PLD1: variants seen among roughly 807,000 people sequenced by gnomAD.
The protein encoded by PLD1 is phospholipase D1.
A neutral mutation model predicts 137.1 loss-of-function variants in PLD1; 112 were observed. That is an observed-to-expected ratio of 0.82 (90% CI 0.70 to 0.96). The LOEUF is 0.96. Ranked by LOEUF, PLD1 falls within the 40% of genes least tolerant of loss-of-function variation. The probability of loss-of-function intolerance (pLI) is 0.00; values close to 1 mark genes in which losing one functional copy is unlikely to be tolerated. For missense variants in PLD1, 1,321 were observed against 1,342.0 expected, an observed-to-expected ratio of 0.98 and a Z score of 0.24; for synonymous variants, 431 against 454.7, an observed-to-expected ratio of 0.95 and a Z score of 0.66.
intron 1 of PLD1, among the ~76,000 whole-genome samples, chr3:171,776,776 C>T (rs1722604715): frequency 6.6e-6 from 1 of 152,170 alleles, no homozygotes. Flanking sequence ...TTAATTACTA[C>T]AAATTGCTCT....
chr3:171,638,931 C>T (rs923237821), intron 23 of PLD1, among the ~76,000 whole-genome samples: 6 of 152,136 alleles, frequency 3.9e-5, no homozygotes, highest in Non-Finnish European at 5.9e-5. Context: ...GAATTCATGC[C>T]TTTTGATTCT....
intron 21 of PLD1, among the ~76,000 whole-genome samples, chr3:171,649,174 C>G (rs967220392): frequency 1.3e-5 from 2 of 151,760 alleles, no homozygotes; most frequent in South Asian, 4.2e-4. Context: ...GAGAAATGTC[C>G]TATAAAAATA....
intron 21 of PLD1, among the ~76,000 whole-genome samples, chr3:171,648,142 A>G (rs545262671): frequency 1.6e-3 from 249 of 152,166 alleles, no homozygotes; most frequent in South Asian, 3.7e-3. Flanking sequence ...CCTTTTGGCT[A>G]TTGTGAATAA....
chr3:171,675,862 A>C (rs1299885318), intron 18 of PLD1, among the ~76,000 whole-genome samples: 1 of 126,774 alleles, frequency 7.9e-6, no homozygotes, highest in African/African-American at 3.1e-5. Flanking sequence ...TTTTTTTTTG[A>C]GACAGAGTCT....
At chr3:171,764,825 GAGAAAGAAAGAAAGAAAGAAAGAAAGAA>G (rs1226169438) in intron 1 of PLD1, among the ~76,000 whole-genome samples, 26 of 22,776 alleles carry the variant, frequency 1.1e-3, no homozygotes, top group East Asian at 4.5e-3. Context: ...AAGAAAGAAA[GAGAAAGAAAGAAAGAAAGAAAGAAAGAA>G]AGAAAGAAAG....
At chr3:171,747,561 G>A (rs543426296) in intron 1 of PLD1, among the ~76,000 whole-genome samples, 80 of 151,740 alleles carry the variant, frequency 5.3e-4, no homozygotes, top group African/African-American at 1.8e-3. Flanking sequence ...ACTTGAGCTA[G>A]GATAGTGTTA....
rs140887517 is a variant in PLD1 at position 171,699,240 on chromosome 3, A to C, written c.1227+505T>G. On this transcript the variant is annotated intron_variant, in intron 12 of 26. Coordinates refer to ENST00000351298, the MANE Select transcript of PLD1 (RefSeq NM_002662.5). ...GAATGTACAGGGTCAACTCCACAGGAAACAGTTTCACATTTTTACCAGGAA... is the reference window on the plus strand; with the variant it reads ...GAATGTACAGGGTCAACTCCACAGGCAACAGTTTCACATTTTTACCAGGAA... Among the ~76,000 whole-genome samples the C allele has an allele frequency of 7.4e-4, 112 of 152,316 alleles. 2 individuals carry two copies. In the East Asian group the frequency reaches 0.017, roughly 23 times the overall value.
At chr3:171,636,894 A>G (rs1257280914) in intron 23 of PLD1, among the ~76,000 whole-genome samples, 1 of 152,192 alleles carries the variant, frequency 6.6e-6, no homozygotes, top group African/African-American at 2.4e-5. Flanking sequence ...CTTATATGTG[A>G]CATCTACACA....
chr3:171,668,100 C>A (rs1038697808), intron 19 of PLD1, among the ~76,000 whole-genome samples: 1 of 152,218 alleles, frequency 6.6e-6, no homozygotes, highest in Non-Finnish European at 1.5e-5. Flanking sequence ...GTTTCCTCAT[C>A]TGTAGAAACA....
intron 19 of PLD1, among the ~76,000 whole-genome samples, chr3:171,663,381 C>T (rs986877248): frequency 1.3e-5 from 2 of 152,152 alleles, no homozygotes; most frequent in African/African-American, 2.4e-5. Flanking sequence ...GGCTGTTGAT[C>T]GTGTTTCTTA....
intron 1 of PLD1, among the ~76,000 whole-genome samples, chr3:171,806,961 G>C (rs1723871592): frequency 6.6e-6 from 1 of 152,198 alleles, no homozygotes; most frequent in Admixed American, 6.5e-5. Flanking sequence ...TCCTGCTGTA[G>C]ATAAGATTTG....
chr3:171,731,034 T>G (rs1718902986), intron 6 of PLD1, among the ~76,000 whole-genome samples: 1 of 152,324 alleles, frequency 6.6e-6, no homozygotes, highest in Middle Eastern at 3.4e-3. Flanking sequence ...ATGATAAGAA[T>G]CACTTGAGCT....
rs1480528855 is a variant in PLD1, at chr3:171,735,629, A to G, written c.297T>C (p.Ser99=). Residue 99 remains serine (S), a synonymous_variant, in exon 4 of 27, where the codon AGT becomes AGC. Transcript: ENST00000351298. ...TTAATTCAATAGTGTAAAGATTAAT[A>G]CTTGGTACCTACAGTGATACATAAA... ...ERFTSTTRVP[S]INLYTIELTH... The G allele has an allele frequency of 1.8e-5, 27 of 1,510,580 alleles. No individual in the cohort carries two copies. The highest frequency in any genetic ancestry group is 2.5e-5 in the Non-Finnish European group (27 of 1,085,880). The allele number at this position is 1,510,580 out of a possible 1,614,324, so 93.6% of individuals were successfully genotyped here.
At chr3:171,691,445 T>A (rs374322508) in intron 13 of PLD1, among the ~76,000 whole-genome samples, 2 of 152,208 alleles carry the variant, frequency 1.3e-5, no homozygotes, top group East Asian at 1.9e-4. Flanking sequence ...ATGTTTAAAT[T>A]CCTTTCTCAT....
At chr3:171,628,457 TC>T (rs1734339065) in intron 23 of PLD1, among the ~76,000 whole-genome samples, 1 of 152,074 alleles carries the variant, frequency 6.6e-6, no homozygotes, top group South Asian at 2.1e-4. Flanking sequence ...TACCATTCCT[TC>T]TGAAACTATT....
Position 171,602,895 on chromosome 3 carries a change from G to C in PLD1, c.*183C>G. ...CAAGTTAGGCAGAAGGAATTATAAA[G>C]TCTTGCTGATGTTTACAGTCCTTAC... is the stretch of plus-strand genomic sequence containing the variant. On this transcript the variant is annotated 3_prime_UTR_variant, in exon 27 of 27. Transcript: ENST00000351298. 1.7e-6 allele frequency: 1 copy of C among 595,362 alleles called. No individual in the cohort carries two copies. The highest frequency in any genetic ancestry group is 3.0e-6 in the Non-Finnish European group (1 of 334,954). 36.9% of individuals were successfully genotyped at this position (595,362 alleles called of 1,614,324 possible).
At chr3:171,668,299 TA>T (rs1305500284) in intron 19 of PLD1, among the ~76,000 whole-genome samples, 1 of 152,212 alleles carries the variant, frequency 6.6e-6, no homozygotes, top group African/African-American at 2.4e-5. Context: ...ACTCCCATGG[TA>T]AATAACTTCC....
At chr3:171,714,554 C>T (rs189351403) in intron 8 of PLD1, among the ~76,000 whole-genome samples, 157 of 152,298 alleles carry the variant, frequency 1.0e-3, no homozygotes, top group Non-Finnish European at 1.8e-3. Flanking sequence ...GGCACTTCCA[C>T]ATTATGGAAT....
At chr3:171,723,613 T>A (rs4488867) in intron 8 of PLD1, among the ~76,000 whole-genome samples, 54,839 of 152,000 alleles carry the variant, frequency 0.36, 11,001 homozygotes, top group African/African-American at 0.52. Context: ...TTCCCTTTTC[T>A]CCACATCCTC....
Sources: allele counts gnomAD v4.1 joint callset (sites outside exome capture counted in the v4.1 genomes callset), GRCh38; gene constraint gnomAD v4.1.1; transcripts MANE v1.5; gene names NCBI Gene and HGNC (gene_info 2026-07-23, HGNC 2026-07-21).